The following DLG2 variants were observed in gnomAD, a reference collection of about 807,000 sequenced individuals.
DLG2 encodes discs large MAGUK scaffold protein 2.
DLG2 carries 45 observed loss-of-function variants against 132.5 expected under a neutral mutation model. The observed-to-expected ratio is 0.34, with a 90% CI of 0.27 to 0.44. The LOEUF (loss-of-function observed/expected upper bound fraction) is 0.44, where lower values mean the gene tolerates loss of function less well. Among genes scored for constraint, DLG2 ranks in the 20% least tolerant of loss-of-function variants. The pLI is 1.00. For synonymous variants in DLG2, 424 were observed against 419.6 expected (o/e 1.01, Z -0.13); for missense variants, 1,045 against 1,196.9 (o/e 0.87, Z 1.87).
At chr11:84,989,689 A>G (rs1279625831) in intron 6 of DLG2, among the ~76,000 whole-genome samples, 1 of 152,230 alleles carries the variant, frequency 6.6e-6, no homozygotes, top group African/African-American at 2.4e-5. Flanking sequence ...AGAATGTAGG[A>G]AGACTCATTC....
intron 8 of DLG2, among the ~76,000 whole-genome samples, chr11:84,231,696 G>A (rs1210294169): frequency 6.6e-6 from 1 of 152,128 alleles, no homozygotes; most frequent in African/African-American, 2.4e-5. Context: ...TATATTTTAT[G>A]AGTCAATGCA....
intron 6 of DLG2, among the ~76,000 whole-genome samples, chr11:84,858,428 C>G (rs572570023): frequency 4.6e-5 from 7 of 151,980 alleles, no homozygotes; most frequent in Non-Finnish European, 1.0e-4. Flanking sequence ...TTCTTTCAAA[C>G]AATGGCTCTG....
At chr11:83,983,197 T>G (rs1324782346) in intron 11 of DLG2, among the ~76,000 whole-genome samples, 1 of 152,122 alleles carries the variant, frequency 6.6e-6, no homozygotes, top group Non-Finnish European at 1.5e-5. Context: ...TCAGAATATG[T>G]TTGAATGCTC....
chr11:83,612,684 C>T (rs149456529), intron 19 of DLG2, among the ~76,000 whole-genome samples: 2,119 of 152,152 alleles, frequency 0.014, 55 homozygotes, highest in African/African-American at 0.048. Flanking sequence ...GTGAAAGCCT[C>T]TAGGAAGGCA....
intron 4 of DLG2, among the ~76,000 whole-genome samples, chr11:85,211,572 T>C (rs2082257900): frequency 1.3e-5 from 2 of 152,130 alleles, no homozygotes; most frequent in African/African-American, 4.8e-5. Flanking sequence ...AAGAGTACCC[T>C]GCTCAAGATT....
chr11:83,816,611 A>G (rs1269062930), intron 17 of DLG2, among the ~76,000 whole-genome samples: 3 of 152,170 alleles, frequency 2.0e-5, no homozygotes, highest in African/African-American at 7.2e-5. Flanking sequence ...CTAGGTTTGA[A>G]TTCCACACTA....
At chr11:84,939,105 A>C (rs897014429) in intron 6 of DLG2, among the ~76,000 whole-genome samples, 5 of 152,112 alleles carry the variant, frequency 3.3e-5, no homozygotes, top group Non-Finnish European at 5.9e-5. Context: ...TAAAAATACA[A>C]AATTACATGA....
chr11:83,722,526 G>T (rs1789526673), intron 18 of DLG2, among the ~76,000 whole-genome samples: 1 of 152,156 alleles, frequency 6.6e-6, no homozygotes, highest in South Asian at 2.1e-4. Context: ...AATCTCTCCA[G>T]TCCAGCAAGT....
chr11:84,261,744 C>T (rs917234789), intron 7 of DLG2, among the ~76,000 whole-genome samples: 1 of 152,154 alleles, frequency 6.6e-6, no homozygotes, highest in Non-Finnish European at 1.5e-5. Context: ...GCTGGGCATA[C>T]AACACACACT....
intron 11 of DLG2, among the ~76,000 whole-genome samples, chr11:84,044,105 A>G (rs1277722731): frequency 6.6e-6 from 1 of 151,704 alleles, no homozygotes; most frequent in African/African-American, 2.4e-5. Flanking sequence ...GGAGCCAGAC[A>G]CCAGTGATTT....
intron 15 of DLG2, among the ~76,000 whole-genome samples, chr11:83,915,430 T>C (rs985501045): frequency 1.3e-5 from 2 of 152,128 alleles, no homozygotes; most frequent in African/African-American, 4.8e-5. Flanking sequence ...ATCAGTGAAA[T>C]AGAAATAAAA....
chr11:84,092,443 A>C (rs1462109071), intron 10 of DLG2, among the ~76,000 whole-genome samples: 2 of 152,260 alleles, frequency 1.3e-5, no homozygotes, highest in African/African-American at 4.8e-5. Context: ...ACTGAAGAAC[A>C]TAGAGCTTAA....
chr11:83,895,453 T>C (rs1444377453), intron 15 of DLG2, among the ~76,000 whole-genome samples: 3 of 152,084 alleles, frequency 2.0e-5, no homozygotes, highest in Non-Finnish European at 4.4e-5. Context: ...AGCCACCGCG[T>C]CCAGCCACTA....
chr11:85,273,522 C>T (rs1053436833), intron 4 of DLG2, among the ~76,000 whole-genome samples: 2 of 152,148 alleles, frequency 1.3e-5, no homozygotes, highest in Non-Finnish European at 2.9e-5. Context: ...CATCACTGGC[C>T]ATCAGAGAAA....
intron 7 of DLG2, among the ~76,000 whole-genome samples, chr11:84,454,931 A>T (rs1323399002): frequency 6.6e-6 from 1 of 151,418 alleles, no homozygotes; most frequent in Non-Finnish European, 1.5e-5. Flanking sequence ...ACAGGTGTAG[A>T]TATATGTCAA....
intron 6 of DLG2, among the ~76,000 whole-genome samples, chr11:84,743,389 A>AT (rs199712723): frequency 0.016 from 2,360 of 151,628 alleles, 31 homozygotes; most frequent in African/African-American, 0.033. Context: ...TTTAGTAAGA[A>AT]TTTTTTTTTG....
At chr11:84,368,790 A>G (rs1049863555) in intron 7 of DLG2, among the ~76,000 whole-genome samples, 2 of 152,178 alleles carry the variant, frequency 1.3e-5, no homozygotes, top group Non-Finnish European at 2.9e-5. Context: ...TAAGTACTCA[A>G]TAAATATTGT....
intron 6 of DLG2, among the ~76,000 whole-genome samples, chr11:84,974,577 AC>A (rs1299118098): frequency 6.6e-6 from 1 of 152,170 alleles, no homozygotes; most frequent in Non-Finnish European, 1.5e-5. Flanking sequence ...GGAAGAGAAA[AC>A]TTTGCATGAA....
rs1161993077 is a variant in DLG2, at chr11:84,703,900, G to A, written c.358-169169C>T. 2.2e-4 allele frequency among the ~76,000 whole-genome samples: 28 copies of A among 125,076 alleles called. No homozygotes were observed. The East Asian group carries it at 4.5e-3, about 20-fold the overall frequency. The allele number at this position is 125,076 out of a possible 152,430, so 82.1% of individuals were successfully genotyped here. A position where few individuals can be genotyped will look rare whatever the true frequency, so the allele number is the denominator to read the frequency against. ...TATATATATACACGTGTGTGTGTGT[G>A]TGTGTGTGTGTGTGTGTATTTATAT... On this transcript the variant is annotated intron_variant, in intron 6 of 27. Transcript: ENST00000376104.
Sources: allele counts gnomAD v4.1 joint callset (sites outside exome capture counted in the v4.1 genomes callset), GRCh38; gene constraint gnomAD v4.1.1; transcripts MANE v1.5; gene names NCBI Gene and HGNC (gene_info 2026-07-23, HGNC 2026-07-21).